Variants in DIAPH3 observed in about 807,000 individuals in gnomAD.
The protein encoded by DIAPH3 is protein diaphanous homolog 3.
A neutral mutation model predicts 144.3 loss-of-function variants in DIAPH3; 117 were observed. The ratio of observed to expected loss-of-function variants is 0.81; its 90% CI spans 0.70 to 0.95. DIAPH3 has a LOEUF of 0.95. Among genes scored for constraint, DIAPH3 ranks in the 40% least tolerant of loss-of-function variants. The pLI is 0.00. For synonymous variants in DIAPH3, 519 were observed against 488.9 expected, an observed-to-expected ratio of 1.06 and a Z score of -0.81; for missense variants, 1,421 against 1,412.7, an observed-to-expected ratio of 1.01 and a Z score of -0.09.
chr13:60,130,446 C>T (rs547006787), intron 2 of DIAPH3, among the ~76,000 whole-genome samples: 6 of 152,256 alleles, frequency 3.9e-5, no homozygotes, highest in Admixed American at 2.0e-4. Flanking sequence ...GAGAGACAGA[C>T]GTGTACAATT....
intron 2 of DIAPH3, among the ~76,000 whole-genome samples, chr13:60,119,638 T>C (rs1289468709): frequency 6.8e-6 from 1 of 147,226 alleles, no homozygotes; most frequent in Non-Finnish European, 1.5e-5. Flanking sequence ...TCCCAGCTAC[T>C]TGGGAGGCTG....
chr13:59,923,582 G>A (rs531677510), intron 18 of DIAPH3, among the ~76,000 whole-genome samples: 4 of 152,198 alleles, frequency 2.6e-5, no homozygotes, highest in Middle Eastern at 3.4e-3. Context: ...ATGCCATTCT[G>A]GGTGCCAGGG....
chr13:59,900,744 A>G (rs1418226864), intron 20 of DIAPH3, among the ~76,000 whole-genome samples: 1 of 152,070 alleles, frequency 6.6e-6, no homozygotes, highest in Non-Finnish European at 1.5e-5. Flanking sequence ...TGGCTTCCAA[A>G]TTTATAACTC....
intron 24 of DIAPH3, among the ~76,000 whole-genome samples, chr13:59,821,941 C>T (rs534519675): frequency 2.5e-4 from 38 of 152,262 alleles, no homozygotes; most frequent in African/African-American, 9.1e-4. Flanking sequence ...TGTGCAGGTG[C>T]TGATTATTAA....
chr13:59,805,445 T>G (rs1200768697), intron 25 of DIAPH3, among the ~76,000 whole-genome samples: 1 of 152,078 alleles, frequency 6.6e-6, no homozygotes, highest in Non-Finnish European at 1.5e-5. Flanking sequence ...TTATGCATTT[T>G]AAATTAATAA....
chr13:59,772,632 G>T (rs1053217728), intron 27 of DIAPH3, among the ~76,000 whole-genome samples: 2 of 151,994 alleles, frequency 1.3e-5, no homozygotes, highest in African/African-American at 4.8e-5. Flanking sequence ...TAGTCACAAG[G>T]CTGAGTTCTC....
intron 24 of DIAPH3, among the ~76,000 whole-genome samples, chr13:59,825,242 G>A (rs1174604760): frequency 6.6e-6 from 1 of 151,846 alleles, no homozygotes; most frequent in African/African-American, 2.4e-5. Flanking sequence ...CTGTGTCCAT[G>A]TGTTCTCATT....
Position 59,971,124 on chromosome 13 carries a change from G to T in DIAPH3, c.1687C>A (p.Pro563Thr). The change falls in exon 16 of 28, where the codon CCT becomes ACT. Residue 563 changes from proline to threonine, a missense_variant. Coordinates refer to ENST00000400324, the MANE Select transcript of DIAPH3 (RefSeq NM_001042517.2). ...ALPADCNIPL[P>T]PSKEGGTGHS... is the part of the protein sequence containing the mutation. ...CCAGTTCCACCTTCTTTAGAGGGAGGCAAAGGAATATTACAATCAGCTGGC... is the reference window on the plus strand; with the variant it reads ...CCAGTTCCACCTTCTTTAGAGGGAGTCAAAGGAATATTACAATCAGCTGGC... 6.3e-7 allele frequency: 1 copy of T among 1,599,982 alleles called. No individual in the cohort carries two copies. Among genetic ancestry groups the T allele is most frequent in the Non-Finnish European group, 8.5e-7 (1 of 1,172,552 alleles).
intron 3 of DIAPH3, among the ~76,000 whole-genome samples, chr13:60,104,165 A>T (rs1310478619): frequency 6.6e-6 from 1 of 152,334 alleles, no homozygotes; most frequent in Middle Eastern, 3.4e-3. Context: ...TATATTCAAG[A>T]TGTCTATAAA....
chr13:60,048,108 T>C (rs2056170476), intron 4 of DIAPH3, among the ~76,000 whole-genome samples: 1 of 152,192 alleles, frequency 6.6e-6, no homozygotes. Context: ...AACACAAAGC[T>C]TGGGGGATTC....
chr13:59,810,428 C>T lies in DIAPH3; in HGVS notation c.3163+360G>A, dbSNP rs574589819. ...CCTTGGGATATTTTGTTGAAGAAAC[C>T]GGGTTACATGTCCTATAGAATTTTC... On this transcript the variant is annotated intron_variant, in intron 25 of 27. Transcript: ENST00000400324. 3.3e-5 allele frequency among the ~76,000 whole-genome samples: 5 copies of T among 152,210 alleles called. No individual in the cohort carries two copies. In the East Asian group the frequency reaches 5.8e-4, roughly 18 times the overall value.
chr13:59,938,648 C>T (rs1316787996), intron 17 of DIAPH3, among the ~76,000 whole-genome samples: 1 of 151,950 alleles, frequency 6.6e-6, no homozygotes, highest in Non-Finnish European at 1.5e-5. Context: ...AGCTCACATA[C>T]AGACCTCTTT....
At chr13:60,091,906 G>A (rs902380004) in intron 4 of DIAPH3, among the ~76,000 whole-genome samples, 1 of 151,714 alleles carries the variant, frequency 6.6e-6, no homozygotes, top group Non-Finnish European at 1.5e-5. Context: ...ACAGTGATGT[G>A]ATCGAAGTTC....
chr13:59,761,358 C>G (rs2037575145), intron 27 of DIAPH3, among the ~76,000 whole-genome samples: 1 of 152,024 alleles, frequency 6.6e-6, no homozygotes, highest in South Asian at 2.1e-4. Context: ...CTCTTGCTTA[C>G]TAAGGAGTCA....
intron 1 of DIAPH3, 108 bp downstream of exon 1, chr13:60,163,479 G>T: frequency 2.1e-6 from 3 of 1,461,412 alleles, no homozygotes; most frequent in Non-Finnish European, 2.8e-6. Context: ...TGGCACCTCT[G>T]GATCTCTAGA....
At chr13:59,908,200 G>C (rs1293295526) in intron 20 of DIAPH3, among the ~76,000 whole-genome samples, 1 of 151,456 alleles carries the variant, frequency 6.6e-6, no homozygotes, top group Non-Finnish European at 1.5e-5. Context: ...GAAACCCCAT[G>C]TCTACTAAAA....
intron 17 of DIAPH3, among the ~76,000 whole-genome samples, chr13:59,946,124 C>T (rs558418441): frequency 8.6e-5 from 13 of 152,024 alleles, no homozygotes; most frequent in South Asian, 2.1e-4. Flanking sequence ...CCATACTTAG[C>T]GCTCAGATTT....
chr13:59,916,404 T>A lies in DIAPH3; in HGVS notation c.2171-155A>T, dbSNP rs1248474106. Among the ~76,000 whole-genome samples, 4 of 152,256 alleles carry A rather than the reference T, an allele frequency of 2.6e-5. No individual in the cohort carries two copies. In the East Asian group the frequency reaches 5.8e-4, roughly 22 times the overall value. On this transcript the variant is annotated intron_variant, in intron 18 of 27. Coordinates refer to ENST00000400324, the MANE Select transcript of DIAPH3 (RefSeq NM_001042517.2). ...GGGGGAAACATATTATGGGGGAAACTTTCATTACTACATTTTATACTCTTC... is the reference window on the plus strand; with the variant it reads ...GGGGGAAACATATTATGGGGGAAACATTCATTACTACATTTTATACTCTTC...
At chr13:60,090,861 G>C (rs1188777203) in intron 4 of DIAPH3, among the ~76,000 whole-genome samples, 1 of 152,118 alleles carries the variant, frequency 6.6e-6, no homozygotes. Flanking sequence ...TCACACTTTA[G>C]ATAACTAATC....
Sources: allele counts gnomAD v4.1 joint callset (sites outside exome capture counted in the v4.1 genomes callset), GRCh38; gene constraint gnomAD v4.1.1; transcripts MANE v1.5; gene names NCBI Gene and HGNC (gene_info 2026-07-23, HGNC 2026-07-21).